ARK2N: variants seen among roughly 807,000 people sequenced by gnomAD.
The protein encoded by ARK2N is protein ARK2N.
chr18:46,215,925 G>A, the ARK2N span: 1 of 1,614,112 alleles, frequency 6.2e-7, no homozygotes, highest in Non-Finnish European at 8.5e-7. Flanking sequence ...AACTCATTGA[G>A]TCCGAAGCCC....
chr18:46,222,740 G>A, the ARK2N span, among the ~76,000 whole-genome samples: 2,657 of 152,078 alleles, frequency 0.017, 72 homozygotes, highest in African/African-American at 0.06. Context: ...TTTTAAGTTC[G>A]TAGCAAAATC....
the ARK2N span, among the ~76,000 whole-genome samples, chr18:46,258,254 C>G: frequency 6.6e-6 from 1 of 152,120 alleles, no homozygotes; most frequent in African/African-American, 2.4e-5. Context: ...CCAAAAAAAA[C>G]TAGTGATACA....
chr18:46,255,539 C>T, the ARK2N span, among the ~76,000 whole-genome samples: 5 of 143,576 alleles, frequency 3.5e-5, no homozygotes, highest in Middle Eastern at 3.9e-3. Flanking sequence ...GCAACCTCCA[C>T]CTCCCAGGTT....
chr18:46,216,013 G>T, the ARK2N span: 4 of 1,614,098 alleles, frequency 2.5e-6, no homozygotes, highest in South Asian at 4.4e-5. The surrounding 1 kb of genome is among the most constrained non-coding windows in gnomAD (Gnocchi z 4.3). Context: ...TCAGAAAGAT[G>T]GTGTAGCGGA....
the ARK2N span, among the ~76,000 whole-genome samples, chr18:46,230,947 T>A: frequency 6.6e-6 from 1 of 152,208 alleles, no homozygotes; most frequent in Non-Finnish European, 1.5e-5. Context: ...CTGCCTAGTT[T>A]GTGCTAGCTC....
chr18:46,197,361 A>G, the ARK2N span, among the ~76,000 whole-genome samples: 3 of 152,004 alleles, frequency 2.0e-5, no homozygotes, highest in African/African-American at 2.4e-5. Context: ...TAGCCTCCCT[A>G]GTAGCTGGGA....
chr18:46,182,150 A>G, the ARK2N span, among the ~76,000 whole-genome samples: 3 of 152,342 alleles, frequency 2.0e-5, no homozygotes, highest in South Asian at 6.2e-4. Flanking sequence ...TATTAAGAAC[A>G]AAAACTTCAT....
the ARK2N span, among the ~76,000 whole-genome samples, chr18:46,235,431 A>G: frequency 6.6e-6 from 1 of 152,204 alleles, no homozygotes; most frequent in Non-Finnish European, 1.5e-5. Flanking sequence ...CAAACAAACA[A>G]CAAAATAGGG....
the ARK2N span, chr18:46,228,642 G>C: frequency 2.5e-6 from 1 of 393,982 alleles, no homozygotes; most frequent in Non-Finnish European, 4.5e-6. Flanking sequence ...CTGGAGTGCA[G>C]AGGTGCCATC....
chr18:46,212,686 A>G, the ARK2N span, among the ~76,000 whole-genome samples: 1 of 152,132 alleles, frequency 6.6e-6, no homozygotes, highest in Non-Finnish European at 1.5e-5. Flanking sequence ...CTCAGTTAAC[A>G]CTCAAATTTA....
At chr18:46,245,675 G>A in the ARK2N span, among the ~76,000 whole-genome samples, 1 of 151,142 alleles carries the variant, frequency 6.6e-6, no homozygotes, top group Non-Finnish European at 1.5e-5. Context: ...TTTATGCCTA[G>A]CATGCGACTG....
chr18:46,256,875 A>C, the ARK2N span, among the ~76,000 whole-genome samples: 1 of 152,136 alleles, frequency 6.6e-6, no homozygotes, highest in African/African-American at 2.4e-5. Flanking sequence ...TAATCTTTCA[A>C]ACATTGGGAT....
At chr18:46,190,553 A>T in the ARK2N span, among the ~76,000 whole-genome samples, 1 of 152,158 alleles carries the variant, frequency 6.6e-6, no homozygotes, top group Admixed American at 6.6e-5. Flanking sequence ...GTGGTAAAAC[A>T]TTCATCATTT....
the ARK2N span, among the ~76,000 whole-genome samples, chr18:46,255,532 A>G: frequency 2.4e-5 from 3 of 126,194 alleles, no homozygotes; most frequent in Admixed American, 9.5e-5. Flanking sequence ...GCTCACTGCA[A>G]CCTCCACCTC....
the ARK2N span, among the ~76,000 whole-genome samples, chr18:46,176,005 C>T: frequency 1.3e-5 from 2 of 152,102 alleles, no homozygotes; most frequent in African/African-American, 2.4e-5. Flanking sequence ...ATGATTAATT[C>T]AAAACCCATA....
the ARK2N span, among the ~76,000 whole-genome samples, chr18:46,244,864 G>A: frequency 6.6e-6 from 1 of 152,024 alleles, no homozygotes; most frequent in East Asian, 1.9e-4. Flanking sequence ...GCCTCCCGAA[G>A]TGCTAAGATT....
At chr18:46,245,262 G>A in the ARK2N span, among the ~76,000 whole-genome samples, 4 of 152,106 alleles carry the variant, frequency 2.6e-5, no homozygotes, top group East Asian at 1.9e-4. Flanking sequence ...GTTGTTTAAC[G>A]TGCTGTTTAA....
chr18:46,255,868 T>C, the ARK2N span, among the ~76,000 whole-genome samples: 1 of 152,272 alleles, frequency 6.6e-6, no homozygotes, highest in African/African-American at 2.4e-5. Context: ...TCCTATTAAA[T>C]TCTCTTCCTT....
chr18:46,188,561 G>T, the ARK2N span, among the ~76,000 whole-genome samples: 2 of 151,988 alleles, frequency 1.3e-5, no homozygotes, highest in East Asian at 1.9e-4. Context: ...GCCTACGCTG[G>T]TCTCGAACTC....
Sources: gnomAD v4.1 joint callset for allele counts (sites outside exome capture counted in the v4.1 genomes callset) on GRCh38, gnomAD v4.1.1 for gene constraint, Gnocchi (gnomAD v3.1) non-coding constraint, MANE v1.5 for transcripts, NCBI Gene and HGNC (gene_info 2026-07-23, HGNC 2026-07-21) for gene names.